Variants in SPG7 observed in about 807,000 individuals in gnomAD.
SPG7 encodes SPG7 matrix AAA peptidase subunit, paraplegin.
Under a neutral mutation model 81.9 loss-of-function variants are expected in SPG7, and 103 were observed. The observed-to-expected ratio is 1.26, with a 90% CI of 1.07 to 1.48. The LOEUF (loss-of-function observed/expected upper bound fraction) is 1.48, where lower values mean the gene tolerates loss of function less well. Ranked by LOEUF, SPG7 falls within the 40% of genes most tolerant of loss-of-function variation. The probability of loss-of-function intolerance (pLI) is 0.00; values close to 1 mark genes in which losing one functional copy is unlikely to be tolerated. For synonymous variants in SPG7, 534 were observed against 444.2 expected (o/e 1.20, Z -2.54); for missense variants, 1,241 against 1,087.3 (o/e 1.14, Z -1.99).
chr16:89,536,083 TG>T (rs2058411090), intron 9 of SPG7, among the ~76,000 whole-genome samples: 2 of 146,094 alleles, frequency 1.4e-5, no homozygotes, highest in South Asian at 4.4e-4. Context: ...TCTGGTGCTG[TG>T]TGGCCTTCAG....
chr16:89,515,483 G>T (rs909328404), intron 3 of SPG7, among the ~76,000 whole-genome samples: 2 of 149,634 alleles, frequency 1.3e-5, no homozygotes, highest in African/African-American at 4.9e-5. Flanking sequence ...TGGCCAGACT[G>T]GTCTTGAACT....
chr16:89,556,861 C>T (rs2058692048), intron 16 of SPG7, 26 bp from the exon 17 acceptor site: 4 of 1,582,514 alleles, frequency 2.5e-6, no homozygotes, highest in African/African-American at 2.7e-5. Context: ...TGGGGACTCA[C>T]ACACTGCTAT....
intron 10 of SPG7, chr16:89,545,532 T>G (rs999127863): frequency 3.6e-4 from 72 of 198,280 alleles, no homozygotes; most frequent in African/African-American, 1.7e-3. Flanking sequence ...CAGGGGACAC[T>G]GCTTCTCCAG....
At position 89,548,117 on chromosome 16, in the gene SPG7, C is replaced by T. The variant is rs755134616; in HGVS notation, c.1663+4C>T. On this transcript the variant is annotated splice_donor_region_variant and intron_variant, in intron 12 of 16. Coordinates refer to ENST00000645818, the MANE Select transcript of SPG7 (RefSeq NM_003119.4). ...GCCGTGGAGCGCGTCCTCGCAGGTA[C>T]AGGGGGCGCGCCCTGGGTGAAGGCC... The T allele has an allele frequency of 1.3e-6, 2 of 1,594,420 alleles. No homozygotes were observed. The highest frequency in any genetic ancestry group is 1.7e-4 in the Middle Eastern group (1 of 6,042).
Position 89,530,789 on chromosome 16 carries a change from A to C in SPG7, c.968A>C (p.Glu323Ala), listed in dbSNP as rs2058331498. The change falls in exon 7 of 17, where the codon GAG (glutamate) becomes GCG (alanine). Residue 323 changes from glutamate (E) to alanine (A), a missense_variant. Glu to Ala is a moderately radical substitution (Grantham distance 107). Transcript: ENST00000645818. ...GMHEAKLEVR[E>A]FVDYLKSPER... ...CACGAAGCCAAACTGGAAGTCCGCGAGTTTGTGGATTATCTGAAGGTGAAA... is the reference window on the plus strand; with the variant it reads ...CACGAAGCCAAACTGGAAGTCCGCGCGTTTGTGGATTATCTGAAGGTGAAA... 6.2e-7 allele frequency: 1 copy of C among 1,613,578 alleles called. No homozygotes were observed. The highest frequency in any genetic ancestry group is 1.1e-5 in the South Asian group (1 of 91,064).
chr16:89,541,222 G>A (rs11640729), intron 9 of SPG7: 1 of 983,786 alleles, frequency 1.0e-6, no homozygotes, highest in Non-Finnish European at 1.2e-6. Context: ...GCTGAAACTG[G>A]TGTATCCTTA....
intron 9 of SPG7, chr16:89,544,339 T>G: frequency 2.6e-6 from 1 of 389,378 alleles, no homozygotes; most frequent in Non-Finnish European, 4.9e-6. Flanking sequence ...GGGTGGCTGT[T>G]AGGACCGGCT....
At chr16:89,519,406 A>G (rs12050936) in intron 3 of SPG7, 68,305 of 150,332 alleles carry the variant, frequency 0.45, 15,722 homozygotes, top group East Asian at 0.68. Context: ...TTGAGACGGA[A>G]TTTCGCTCTT....
rs556202099 is a variant in SPG7, at chr16:89,552,791, G to A, written c.1780-188G>A. 290 of 640,912 alleles carry A rather than the reference G, an allele frequency of 4.5e-4. 1 individual carries two copies. In the African/African-American group the frequency reaches 4.7e-3, roughly 10 times the overall value. The allele number at this position is 640,912 out of a possible 1,614,324, so 39.7% of individuals were successfully genotyped here. ...GGCAGTGTGTGAACAGGCACCTGTG[G>A]TGGGAACGCTGCTGTCTCTGGGCTG... On this transcript the variant is annotated intron_variant, in intron 13 of 16. Coordinates refer to ENST00000645818, the MANE Select transcript of SPG7 (RefSeq NM_003119.4).
intron 3 of SPG7, chr16:89,523,454 A>G (rs919962444): frequency 2.2e-4 from 73 of 338,414 alleles, no homozygotes; most frequent in African/African-American, 1.3e-3. Flanking sequence ...ATCGTTTTTA[A>G]TAACTTTTGT....
At position 89,510,593 on chromosome 16, in the gene SPG7, G is replaced by T. The variant is rs1452259575; in HGVS notation, c.286+1G>T. The T allele has an allele frequency of 6.3e-7, 1 of 1,580,348 alleles. No individual in the cohort carries two copies. Among genetic ancestry groups the T allele is most frequent in the Non-Finnish European group, 8.7e-7 (1 of 1,149,584 alleles). On this transcript the variant is annotated splice_donor_variant, in intron 2 of 16. Transcript: ENST00000645818. LOFTEE classifies it high-confidence loss of function. ...CCAGTCAGACTCTGGCAACTTTTAG[G>T]TATGTATCTGTTTAAAGAAGCAGCT...
At chr16:89,512,210 C>G (rs2058033017) in intron 2 of SPG7, among the ~76,000 whole-genome samples, 1 of 150,770 alleles carries the variant, frequency 6.6e-6, no homozygotes, top group African/African-American at 2.4e-5. Flanking sequence ...TGCACCTGGC[C>G]TCCCCCATTT....
intron 4 of SPG7, among the ~76,000 whole-genome samples, chr16:89,525,725 G>T (rs1250375638): frequency 6.6e-6 from 1 of 152,198 alleles, no homozygotes; most frequent in Non-Finnish European, 1.5e-5. Flanking sequence ...TGTGAGGGAT[G>T]AACAGTCTCA....
chr16:89,520,719 T>C (rs1478525545), intron 3 of SPG7: 1 of 152,132 alleles, frequency 6.6e-6, no homozygotes, highest in Non-Finnish European at 1.5e-5. Flanking sequence ...TGTTTTTTTT[T>C]TCCCCCTGTA....
At chr16:89,524,347 C>A in intron 4 of SPG7, 100 bp downstream of exon 4, 1 of 1,366,500 alleles carries the variant, frequency 7.3e-7, no homozygotes, top group Non-Finnish European at 1.0e-6. Flanking sequence ...GGTGTGGGCG[C>A]TGGCTGTTGC....
At chr16:89,536,661 A>AG in intron 9 of SPG7, 2 of 1,408,424 alleles carry the variant, frequency 1.4e-6, no homozygotes, top group Non-Finnish European at 9.9e-7. Context: ...GAGGCAGGCG[A>AG]GGCGGGTGAG....
rs982492425 is a variant in SPG7, at chr16:89,537,194, C to T, written c.1324+4558C>T. The T allele has an allele frequency of 2.9e-5, 41 of 1,431,866 alleles. No individual in the cohort carries two copies. In the South Asian group the frequency reaches 3.9e-4, roughly 14 times the overall value. The allele number at this position is 1,431,866 out of a possible 1,614,324, so 88.7% of individuals were successfully genotyped here. A position where few individuals can be genotyped will look rare whatever the true frequency, so the allele number is the denominator to read the frequency against. ...GCACAGGATAGGGCCGACGCTGTGCCGGTCGTGGGGAAATCTCACTGGGGA... is the reference window on the plus strand; with the variant it reads ...GCACAGGATAGGGCCGACGCTGTGCTGGTCGTGGGGAAATCTCACTGGGGA... On this transcript the variant is annotated intron_variant, in intron 9 of 16. Coordinates refer to ENST00000645818, the MANE Select transcript of SPG7 (RefSeq NM_003119.4).
At chr16:89,552,249 A>AG (rs1276942758) in intron 13 of SPG7, 2 of 152,460 alleles carry the variant, frequency 1.3e-5, no homozygotes, top group African/African-American at 4.8e-5. Context: ...TTTGTAGCGA[A>AG]GGGGTCTCGT....
intron 5 of SPG7, chr16:89,527,200 T>C (rs1215152343): frequency 6.5e-6 from 1 of 153,822 alleles, no homozygotes; most frequent in Non-Finnish European, 1.4e-5. Flanking sequence ...ATTCATTCTG[T>C]GCTTGGTTAA....
Sources: allele counts gnomAD v4.1 joint callset (sites outside exome capture counted in the v4.1 genomes callset), GRCh38; gene constraint gnomAD v4.1.1; transcripts MANE v1.5; gene names NCBI Gene and HGNC (gene_info 2026-07-23, HGNC 2026-07-21).